Variants in LDLRAD4 observed in about 807,000 individuals in gnomAD.
LDLRAD4 encodes the protein low density lipoprotein receptor class A domain containing 4.
In LDLRAD4, 5 loss-of-function variants were observed where a neutral mutation model predicts 17.0. The observed-to-expected ratio is 0.29, with a 90% CI of 0.15 to 0.62. LDLRAD4 has a LOEUF of 0.62. Ranked by LOEUF, LDLRAD4 falls within the 20% of genes least tolerant of loss-of-function variation. The probability of loss-of-function intolerance (pLI) is 0.84; values close to 1 mark genes in which losing one functional copy is unlikely to be tolerated. For missense variants in LDLRAD4, 340 were observed against 424.7 expected, an observed-to-expected ratio of 0.80 and a Z score of 1.75; for synonymous variants, 168 against 171.8, an observed-to-expected ratio of 0.98 and a Z score of 0.17.
At chr18:13,338,031 C>T (rs2082189528) in intron 1 of LDLRAD4, among the ~76,000 whole-genome samples, 1 of 152,114 alleles carries the variant, frequency 6.6e-6, no homozygotes, top group South Asian at 2.1e-4. Context: ...AATTTTTGTG[C>T]CTTCAGTTAA....
intron 3 of LDLRAD4, among the ~76,000 whole-genome samples, chr18:13,524,791 G>A (rs943422653): frequency 2.6e-5 from 4 of 152,188 alleles, no homozygotes; most frequent in African/African-American, 7.2e-5. Context: ...GAAGCCTTGC[G>A]TTTTTCTCCA....
Position 13,647,078 on chromosome 18 carries a change from A to C in LDLRAD4, c.*1421A>C, listed in dbSNP as rs1486459222. ...CCCAAATTCCCGCAGGATTCTACCA[A>C]ACCCTTCCCCAGGCCAGCTTTTGTA... is the stretch of plus-strand genomic sequence containing the variant. On this transcript the variant is annotated 3_prime_UTR_variant, in exon 6 of 6. Transcript: ENST00000359446. 3 of 152,326 alleles carry C rather than the reference A, an allele frequency of 2.0e-5. No homozygotes were observed. In the East Asian group the frequency reaches 5.8e-4, roughly 29 times the overall value. The allele number at this position is 152,326 out of a possible 1,614,324, so 9.4% of individuals were successfully genotyped here. A position where few individuals can be genotyped will look rare whatever the true frequency, so the allele number is the denominator to read the frequency against.
At chr18:13,293,663 T>A (rs1213324666) in intron 1 of LDLRAD4, among the ~76,000 whole-genome samples, 1 of 152,258 alleles carries the variant, frequency 6.6e-6, no homozygotes, top group Non-Finnish European at 1.5e-5. Context: ...CTTTTCTCTT[T>A]TACAAAGTCT....
At position 13,602,985 on chromosome 18, in the gene LDLRAD4, A is replaced by G. The variant is rs142848964; in HGVS notation, c.182-18132A>G. 2.8e-3 allele frequency among the ~76,000 whole-genome samples: 421 copies of G among 152,306 alleles called. 2 individuals are homozygous for G. The highest frequency in any genetic ancestry group is 9.5e-3 in the African/African-American group (394 of 41,558). On this transcript the variant is annotated intron_variant, in intron 3 of 5. Transcript: ENST00000359446. The stretch of plus-strand genomic sequence containing the variant: ...GTCAGAAAGAAAAGAAAGGCTATGG[A>G]CATAACAAATTTAAAACAGTGAAAA...
chr18:13,572,534 T>TC lies in LDLRAD4; in HGVS notation c.182-48581dup, dbSNP rs1320973480. 8.5e-5 allele frequency among the ~76,000 whole-genome samples: 13 copies of TC among 152,300 alleles called. No individual in the cohort carries two copies. In the South Asian group the frequency reaches 2.7e-3, roughly 32 times the overall value. ...ATCCTTCAGTCCTTGTCAAGAGGGT[T>TC]CCTGAATCTTTTATTTGGCTTCAAT... On this transcript the variant is annotated intron_variant, in intron 3 of 5. Transcript: ENST00000359446.
intron 1 of LDLRAD4, among the ~76,000 whole-genome samples, chr18:13,269,832 C>T (rs1326526852): frequency 6.6e-6 from 1 of 152,212 alleles, no homozygotes; most frequent in African/African-American, 2.4e-5. Flanking sequence ...CTCCTGGTAT[C>T]CCCTTGGATG....
intron 2 of LDLRAD4, among the ~76,000 whole-genome samples, chr18:13,390,212 C>G (rs1489571727): frequency 6.6e-6 from 1 of 152,224 alleles, no homozygotes; most frequent in East Asian, 1.9e-4. Flanking sequence ...CTCTTCCCCC[C>G]AGTGTCAGCC....
At chr18:13,322,648 C>T (rs1370606187) in intron 1 of LDLRAD4, among the ~76,000 whole-genome samples, 9 of 134,604 alleles carry the variant, frequency 6.7e-5, no homozygotes, top group East Asian at 4.7e-4. Flanking sequence ...GACGGAGTAT[C>T]GCTCTGTCAC....
chr18:13,274,374 C>T (rs2044735746), upstream of LDLRAD4, among the ~76,000 whole-genome samples: 1 of 152,212 alleles, frequency 6.6e-6, no homozygotes, highest in African/African-American at 2.4e-5. Context: ...CCTGCTGGCC[C>T]CTACACAGGG....
At chr18:13,354,537 A>G (rs1043117569) in intron 1 of LDLRAD4, among the ~76,000 whole-genome samples, 1 of 152,162 alleles carries the variant, frequency 6.6e-6, no homozygotes, top group Non-Finnish European at 1.5e-5. Context: ...AAAAATATAG[A>G]GAACTAGAGG....
At chr18:13,339,830 G>A (rs1463808874) in intron 1 of LDLRAD4, among the ~76,000 whole-genome samples, 1 of 152,084 alleles carries the variant, frequency 6.6e-6, no homozygotes, top group African/African-American at 2.4e-5. Flanking sequence ...TAAGTGTACA[G>A]TGTCATGACA....
At chr18:13,260,248 G>A (rs912060327) in intron 1 of LDLRAD4, among the ~76,000 whole-genome samples, 23 of 152,130 alleles carry the variant, frequency 1.5e-4, no homozygotes, top group African/African-American at 5.3e-4. Flanking sequence ...TGAGCAATGC[G>A]CCCTGTTCTG....
chr18:13,388,302 C>T (rs570926078), intron 2 of LDLRAD4, among the ~76,000 whole-genome samples: 6 of 152,318 alleles, frequency 3.9e-5, no homozygotes, highest in African/African-American at 1.4e-4. Context: ...GGGAACCACA[C>T]AGTCTGGCTG....
chr18:13,476,564 C>T (rs957807927), intron 3 of LDLRAD4, among the ~76,000 whole-genome samples: 1 of 150,382 alleles, frequency 6.6e-6, no homozygotes. Flanking sequence ...ATCTAGGCGG[C>T]AGTGAGCTAT....
chr18:13,478,172 G>T (rs1292059590), intron 3 of LDLRAD4, among the ~76,000 whole-genome samples: 45 of 152,202 alleles, frequency 3.0e-4, no homozygotes, highest in Non-Finnish European at 7.3e-5. Context: ...TTGACTCGGG[G>T]TTGTCTGAGA....
At chr18:13,506,042 G>A (rs1386106480) in intron 3 of LDLRAD4, among the ~76,000 whole-genome samples, 1 of 151,932 alleles carries the variant, frequency 6.6e-6, no homozygotes, top group Admixed American at 6.6e-5. Context: ...TGTGCTCTCA[G>A]CGTTGTAAAG....
intron 1 of LDLRAD4, among the ~76,000 whole-genome samples, chr18:13,337,940 A>G (rs907750226): frequency 1.1e-4 from 16 of 152,184 alleles, no homozygotes; most frequent in African/African-American, 3.9e-4. Flanking sequence ...GAAAGCAGTT[A>G]TGGAGTCAAA....
chr18:13,640,023 ACGCCTGTAATC>A, intron 4 of LDLRAD4, among the ~76,000 whole-genome samples: 1 of 152,336 alleles, frequency 6.6e-6, no homozygotes, highest in Admixed American at 6.5e-5. Flanking sequence ...GCGGTGGCTC[ACGCCTGTAATC>A]CCAGCACTTT....
At chr18:13,282,900 C>CT (rs774689862) in intron 1 of LDLRAD4, among the ~76,000 whole-genome samples, 28 of 152,362 alleles carry the variant, frequency 1.8e-4, no homozygotes, top group Non-Finnish European at 2.5e-4. Flanking sequence ...CTTCTGAAAT[C>CT]TAGGCGGAGG....
Sources: allele counts gnomAD v4.1 joint callset (sites outside exome capture counted in the v4.1 genomes callset), GRCh38; gene constraint gnomAD v4.1.1; transcripts MANE v1.5; gene names NCBI Gene and HGNC (gene_info 2026-07-23, HGNC 2026-07-21).